KLHL1: variants seen among roughly 807,000 people sequenced by gnomAD.
The protein encoded by KLHL1 is kelch-like protein 1.
In KLHL1, 47 loss-of-function variants were observed where a neutral mutation model predicts 77.7. The observed-to-expected ratio is 0.60, with a 90% CI of 0.48 to 0.77. The LOEUF is 0.77. KLHL1 is among the 30% of genes least tolerant of loss of function. The pLI is 0.00. For missense variants in KLHL1, 925 were observed against 910.8 expected (o/e 1.02, Z -0.20); for synonymous variants, 360 against 325.2 (o/e 1.11, Z -1.15).
intron 7 of KLHL1, among the ~76,000 whole-genome samples, chr13:69,758,176 A>T (rs752623735): frequency 6.6e-6 from 1 of 152,068 alleles, no homozygotes; most frequent in Non-Finnish European, 1.5e-5. Flanking sequence ...TCAAAAGGTG[A>T]ACAAAAATCT....
chr13:69,986,133 T>G (rs1448256197), intron 1 of KLHL1, among the ~76,000 whole-genome samples: 3 of 151,620 alleles, frequency 2.0e-5, no homozygotes, highest in Non-Finnish European at 4.4e-5. Context: ...AAGAAGTTGG[T>G]GTCATGTAAG....
At position 70,002,695 on chromosome 13, in the gene KLHL1, G is replaced by A. The variant is rs1157317404; in HGVS notation, c.498-26893C>T. Among the ~76,000 whole-genome samples, 49 of 151,568 alleles carry A rather than the reference G, an allele frequency of 3.2e-4. 1 individual carries two copies. Among genetic ancestry groups the A allele is most frequent in the Non-Finnish European group, 1.9e-4 (13 of 67,702 alleles). On this transcript the variant is annotated intron_variant, in intron 1 of 10. Coordinates refer to ENST00000377844, the MANE Select transcript of KLHL1 (RefSeq NM_020866.3). ...CAAAAGCATAAGTTGTTCAAGAAGT[G>A]ATCTTAACATGACTTGCTTTCCATT...
chr13:69,863,861 T>C (rs1662673326), intron 5 of KLHL1, among the ~76,000 whole-genome samples: 1 of 152,076 alleles, frequency 6.6e-6, no homozygotes, highest in Non-Finnish European at 1.5e-5. Context: ...ATTTTAATAA[T>C]TTATTTAGGC....
At position 69,940,792 on chromosome 13, in the gene KLHL1, CAAAA is replaced by C. The variant is rs374717086; in HGVS notation, c.818-560_818-557del. On this transcript the variant is annotated intron_variant, in intron 3 of 10. Transcript: ENST00000377844. ...CTGTTTGGTCATTTTATCTTAAAGG[CAAAA>C]AAAAAAAAAAAAAAAAAAGGCTCTT... Among the ~76,000 whole-genome samples, 191 of 67,696 alleles carry C rather than the reference CAAAA, an allele frequency of 2.8e-3. 2 individuals are homozygous for C. The highest frequency in any genetic ancestry group is 0.016 in the East Asian group (34 of 2,188). The allele number at this position is 67,696 out of a possible 152,430, so 44.4% of individuals were successfully genotyped here.
intron 2 of KLHL1, among the ~76,000 whole-genome samples, chr13:69,970,995 T>A (rs1884365471): frequency 6.6e-6 from 1 of 152,112 alleles, no homozygotes; most frequent in Non-Finnish European, 1.5e-5. Context: ...TGCCTGTCCT[T>A]TATACATTTT....
At chr13:69,716,635 T>C (rs1876131291) in intron 9 of KLHL1, among the ~76,000 whole-genome samples, 1 of 152,146 alleles carries the variant, frequency 6.6e-6, no homozygotes. Flanking sequence ...GGGATGCAGA[T>C]GTGAGGGCAA....
At chr13:70,057,195 A>C (rs1410903284) in intron 1 of KLHL1, among the ~76,000 whole-genome samples, 1 of 152,076 alleles carries the variant, frequency 6.6e-6, no homozygotes, top group East Asian at 1.9e-4. Flanking sequence ...GTAATGAATA[A>C]ATTTCTAGAC....
chr13:69,915,921 A>C (rs1439191656), intron 4 of KLHL1, among the ~76,000 whole-genome samples: 4 of 152,208 alleles, frequency 2.6e-5, no homozygotes, highest in Non-Finnish European at 5.9e-5. Context: ...ACCGCATCAA[A>C]AAGTGGGCAA....
intron 7 of KLHL1, among the ~76,000 whole-genome samples, chr13:69,770,212 G>T: frequency 6.6e-6 from 1 of 152,200 alleles, no homozygotes; most frequent in East Asian, 1.9e-4. Context: ...GTGAAAGCCA[G>T]TCTTGGCATG....
chr13:69,767,478 C>G (rs926674520), intron 7 of KLHL1, among the ~76,000 whole-genome samples: 2 of 152,088 alleles, frequency 1.3e-5, no homozygotes, highest in African/African-American at 4.8e-5. Flanking sequence ...GGGAGAATGG[C>G]TTGAGGCCAG....
rs1220283333 is a variant in KLHL1 at position 69,900,365 on chromosome 13, G to C, written c.1015-17870C>G. On this transcript the variant is annotated intron_variant, in intron 4 of 10. Coordinates refer to ENST00000377844, the MANE Select transcript of KLHL1 (RefSeq NM_020866.3). ...TATACCTCAATGCATGCTGCAGCAT[G>C]GTTCTCCAAGACACAGCATATGAAT... 3.9e-5 allele frequency among the ~76,000 whole-genome samples: 6 copies of C among 152,086 alleles called. No individual in the cohort carries two copies. In the South Asian group the frequency reaches 1.2e-3, roughly 31 times the overall value.
intron 1 of KLHL1, among the ~76,000 whole-genome samples, chr13:70,047,269 T>C (rs1405078406): frequency 6.6e-6 from 1 of 151,032 alleles, no homozygotes; most frequent in Non-Finnish European, 1.5e-5. Context: ...ATCACAAGCT[T>C]TTGGTTAACT....
At chr13:69,730,026 C>T (rs1366928371) in intron 8 of KLHL1, among the ~76,000 whole-genome samples, 1 of 151,592 alleles carries the variant, frequency 6.6e-6, no homozygotes, top group Admixed American at 6.6e-5. Flanking sequence ...TATGTATAGT[C>T]AATTTAAAAG....
At chr13:70,006,781 T>C (rs1885417982) in intron 1 of KLHL1, among the ~76,000 whole-genome samples, 1 of 152,038 alleles carries the variant, frequency 6.6e-6, no homozygotes, top group African/African-American at 2.4e-5. Flanking sequence ...TTGACATATA[T>C]ATGCTAGAAG....
intron 3 of KLHL1, among the ~76,000 whole-genome samples, chr13:69,956,613 C>T (rs1883895848): frequency 1.3e-5 from 2 of 151,492 alleles, no homozygotes; most frequent in South Asian, 4.1e-4. Flanking sequence ...CTGGTAAAGA[C>T]AATACCAGTC....
intron 7 of KLHL1, among the ~76,000 whole-genome samples, chr13:69,744,482 GTATAA>G (rs1874117734): frequency 6.7e-6 from 1 of 149,930 alleles, no homozygotes; most frequent in African/African-American, 2.5e-5. Flanking sequence ...ATGTTTCAAA[GTATAA>G]TATATATATA....
chr13:69,861,258 G>C (rs998049283), intron 5 of KLHL1, among the ~76,000 whole-genome samples: 3 of 152,002 alleles, frequency 2.0e-5, no homozygotes, highest in Admixed American at 2.0e-4. Context: ...TGCTGAAAAA[G>C]TCTGTTTATT....
At chr13:69,905,271 A>G (rs1882008557) in intron 4 of KLHL1, among the ~76,000 whole-genome samples, 1 of 152,160 alleles carries the variant, frequency 6.6e-6, no homozygotes, top group Non-Finnish European at 1.5e-5. Context: ...CTGATAATAT[A>G]GAAGTGCTCT....
chr13:70,025,370 GA>G (rs1566509719), intron 1 of KLHL1, among the ~76,000 whole-genome samples: 1 of 151,954 alleles, frequency 6.6e-6, no homozygotes, highest in Non-Finnish European at 1.5e-5. Flanking sequence ...CATCAATATA[GA>G]TTCTCTGATA....
Sources: gnomAD v4.1 joint callset for allele counts (sites outside exome capture counted in the v4.1 genomes callset) on GRCh38, gnomAD v4.1.1 for gene constraint, MANE v1.5 for transcripts, NCBI Gene and HGNC (gene_info 2026-07-23, HGNC 2026-07-21) for gene names.